The following PTPRD variants were observed in gnomAD, a reference collection of about 807,000 sequenced individuals.
PTPRD encodes receptor-type tyrosine-protein phosphatase delta.
A neutral mutation model predicts 214.5 loss-of-function variants in PTPRD; 34 were observed. The observed-to-expected ratio is 0.16, with a 90% CI of 0.12 to 0.21. The LOEUF (loss-of-function observed/expected upper bound fraction) is 0.21. PTPRD is among the 10% of genes least tolerant of loss of function. The pLI is 1.00. For synonymous variants in PTPRD, 1,128 were observed against 845.7 expected (o/e 1.33, Z -5.79); for missense variants, 2,545 against 2,398.7 (o/e 1.06, Z -1.27).
chr9:8,800,909 A>C (rs2096558222), intron 11 of PTPRD, among the ~76,000 whole-genome samples: 2 of 152,186 alleles, frequency 1.3e-5, no homozygotes, highest in African/African-American at 4.8e-5. Flanking sequence ...AAATTGTATG[A>C]ATGATATTAT....
intron 20 of PTPRD, among the ~76,000 whole-genome samples, chr9:8,520,277 A>G (rs185179156): frequency 1.2e-4 from 18 of 152,202 alleles, no homozygotes; most frequent in East Asian, 3.9e-4. Flanking sequence ...ACATTATTTC[A>G]CGATTGTAAA....
chr9:10,536,595 C>T (rs1424125308), intron 2 of PTPRD, among the ~76,000 whole-genome samples: 3 of 152,104 alleles, frequency 2.0e-5, no homozygotes, highest in South Asian at 2.1e-4. Flanking sequence ...AATCAATGTG[C>T]TTTCTGGTTA....
At chr9:8,366,680 T>G (rs1280650401) in intron 39 of PTPRD, among the ~76,000 whole-genome samples, 1 of 148,996 alleles carries the variant, frequency 6.7e-6, no homozygotes. Flanking sequence ...TCATCTGTTA[T>G]CTTTGGCCTC....
chr9:8,854,785 C>T (rs956065853), intron 11 of PTPRD, among the ~76,000 whole-genome samples: 1 of 152,204 alleles, frequency 6.6e-6, no homozygotes, highest in Non-Finnish European at 1.5e-5. Flanking sequence ...ACTTTAATCA[C>T]ATCATCAATC....
chr9:9,662,175 T>G (rs764456033), intron 7 of PTPRD, among the ~76,000 whole-genome samples: 8 of 151,662 alleles, frequency 5.3e-5, no homozygotes, highest in Non-Finnish European at 1.2e-4. Context: ...TCTTGAGAGC[T>G]TGGAAGGCAG....
At chr9:10,156,384 T>C (rs1032504290) in intron 3 of PTPRD, among the ~76,000 whole-genome samples, 7 of 152,134 alleles carry the variant, frequency 4.6e-5, no homozygotes, top group Admixed American at 2.6e-4. Context: ...CCCTTAATTT[T>C]ATTATTTACT....
chr9:10,398,924 G>T (rs1024801288), intron 2 of PTPRD, among the ~76,000 whole-genome samples: 2 of 152,058 alleles, frequency 1.3e-5, no homozygotes, highest in South Asian at 4.1e-4. Flanking sequence ...TGAGGCTTTA[G>T]GCTATTTGAG....
At chr9:9,097,223 G>A (rs2099784773) in intron 10 of PTPRD, among the ~76,000 whole-genome samples, 1 of 152,048 alleles carries the variant, frequency 6.6e-6, no homozygotes, top group Non-Finnish European at 1.5e-5. Context: ...CCTGCATGTG[G>A]GCGAAGGACT....
At chr9:9,827,767 G>C (rs960893662) in intron 5 of PTPRD, among the ~76,000 whole-genome samples, 2 of 152,028 alleles carry the variant, frequency 1.3e-5, no homozygotes, top group Non-Finnish European at 2.9e-5. Flanking sequence ...ATCTGACAAA[G>C]GGCTAATATC....
intron 2 of PTPRD, among the ~76,000 whole-genome samples, chr9:10,590,267 C>T (rs2075082982): frequency 6.6e-6 from 1 of 151,976 alleles, no homozygotes; most frequent in African/African-American, 2.4e-5. Flanking sequence ...GTAACTATTA[C>T]AAGCACTTTT....
intron 2 of PTPRD, among the ~76,000 whole-genome samples, chr9:10,603,609 T>C (rs193221027): frequency 1.1e-4 from 16 of 152,022 alleles, no homozygotes; most frequent in East Asian, 1.9e-4. Context: ...AAGATAATGA[T>C]TGTACCAACT....
chr9:9,695,208 G>A (rs2097350401), intron 7 of PTPRD, among the ~76,000 whole-genome samples: 1 of 152,076 alleles, frequency 6.6e-6, no homozygotes, highest in South Asian at 2.1e-4. Flanking sequence ...TTCCCTCCAA[G>A]GCACTGGGTT....
intron 14 of PTPRD, among the ~76,000 whole-genome samples, chr9:8,620,924 G>A (rs1222741471): frequency 6.6e-6 from 1 of 152,096 alleles, no homozygotes. Context: ...GCAGTTCTTA[G>A]ATCCCTTGGC....
At chr9:10,571,662 C>T (rs1591205762) in intron 2 of PTPRD, among the ~76,000 whole-genome samples, 1 of 152,050 alleles carries the variant, frequency 6.6e-6, no homozygotes, top group African/African-American at 2.4e-5. Context: ...ACAGTGGTCC[C>T]CAAACCGTTT....
chr9:8,747,198 T>C (rs921834001), intron 11 of PTPRD, among the ~76,000 whole-genome samples: 2 of 152,234 alleles, frequency 1.3e-5, no homozygotes, highest in African/African-American at 4.8e-5. Flanking sequence ...AATATTTATA[T>C]TGCCTTGTTT....
chr9:8,880,928 A>AT (rs1426534091), intron 11 of PTPRD, among the ~76,000 whole-genome samples: 1 of 151,988 alleles, frequency 6.6e-6, no homozygotes, highest in Non-Finnish European at 1.5e-5. Flanking sequence ...GCTTATTAAA[A>AT]ATATATGTAT....
intron 2 of PTPRD, among the ~76,000 whole-genome samples, chr9:10,529,712 T>TATA (rs1221633400): frequency 6.6e-6 from 1 of 150,730 alleles, no homozygotes; most frequent in Non-Finnish European, 1.5e-5. Context: ...GAATGTAAAG[T>TATA]ATAATAATAA....
At chr9:8,757,639 T>C (rs1039657892) in intron 11 of PTPRD, among the ~76,000 whole-genome samples, 8 of 141,660 alleles carry the variant, frequency 5.6e-5, no homozygotes, top group Non-Finnish European at 9.0e-5. Flanking sequence ...TATATATATA[T>C]ATACATACAT....
chr9:8,667,137 A>C (rs1596441993), intron 12 of PTPRD, among the ~76,000 whole-genome samples: 1 of 152,232 alleles, frequency 6.6e-6, no homozygotes, highest in South Asian at 2.1e-4. Context: ...TCAGGAGTTC[A>C]AGACCAGCCT....
Sources: allele counts gnomAD v4.1 joint callset (sites outside exome capture counted in the v4.1 genomes callset), GRCh38; gene constraint gnomAD v4.1.1; transcripts MANE v1.5; gene names NCBI Gene and HGNC (gene_info 2026-07-23, HGNC 2026-07-21).